MSMO1: variants seen among roughly 807,000 people sequenced by gnomAD.
MSMO1 encodes methylsterol monooxygenase 1, also known as C-4 methylsterol oxidase.
MSMO1 carries 18 observed loss-of-function variants against 30.4 expected under a neutral mutation model. That is an observed-to-expected ratio of 0.59 (90% CI 0.41 to 0.88). The LOEUF (loss-of-function observed/expected upper bound fraction) is 0.88. Among genes scored for constraint, MSMO1 ranks in the 40% least tolerant of loss-of-function variants. MSMO1 has a pLI of 0.00. For synonymous variants in MSMO1, 84 were observed against 107.9 expected (o/e 0.78, Z 1.37); for missense variants, 284 against 340.5 (o/e 0.83, Z 1.31).
chr4:165,328,989 C>T (rs932148639), intron 1 of MSMO1, among the ~76,000 whole-genome samples: 1 of 152,142 alleles, frequency 6.6e-6, no homozygotes, highest in Admixed American at 6.5e-5. Flanking sequence ...TGCCTCTGAA[C>T]TCTCTGACTG....
In MSMO1 at chr4:165,340,259, G is replaced by A. The variant is rs761784749; in HGVS notation, c.570G>A (p.Leu190=). 4.3e-6 allele frequency: 7 copies of A among 1,613,894 alleles called. No homozygotes were observed. The highest frequency in any genetic ancestry group is 5.1e-6 in the Non-Finnish European group (6 of 1,179,944). Residue 190 remains leucine, a synonymous_variant, in exon 5 of 6, where the codon TTG becomes TTA. Coordinates refer to ENST00000261507, the MANE Select transcript of MSMO1 (RefSeq NM_006745.5). The part of the protein sequence containing the change: ...FGMEAEYAHP[L]ETLILGTGFF... ...TGGAAGCTGAATATGCACATCCTTT[G>A]GAGACTCTAATTCTTGGAACTGGAT...
Position 165,338,117 on chromosome 4 carries a change from A to C in MSMO1, c.404+180A>C, listed in dbSNP as rs77557165. 1.1e-3 allele frequency among the ~76,000 whole-genome samples: 164 copies of C among 152,228 alleles called. 1 individual carries two copies. The highest frequency in any genetic ancestry group is 2.0e-3 in the Non-Finnish European group (137 of 67,994). On this transcript the variant is annotated intron_variant, in intron 3 of 5. Coordinates refer to ENST00000261507, the MANE Select transcript of MSMO1 (RefSeq NM_006745.5). Reference sequence around the variant, plus strand: ...AATGTTTCCATTTTTACATCTTTTAAATATTTTATTGGAAGGTGAGCTTCT... The same window carrying C: ...AATGTTTCCATTTTTACATCTTTTACATATTTTATTGGAAGGTGAGCTTCT...
intron 2 of MSMO1, among the ~76,000 whole-genome samples, chr4:165,336,616 C>T (rs1417480566): frequency 1.3e-5 from 2 of 152,150 alleles, no homozygotes; most frequent in Non-Finnish European, 2.9e-5. Context: ...TTTATTTTGT[C>T]CCCAATTACA....
At chr4:165,331,967 C>T (rs528005760) in intron 1 of MSMO1, among the ~76,000 whole-genome samples, 13 of 151,988 alleles carry the variant, frequency 8.6e-5, no homozygotes, top group Admixed American at 4.6e-4. Context: ...CCTACCCCGT[C>T]GCCACTCTGT....
intron 2 of MSMO1, among the ~76,000 whole-genome samples, chr4:165,334,598 T>C (rs946967181): frequency 1.3e-5 from 2 of 152,244 alleles, no homozygotes; most frequent in African/African-American, 4.8e-5. Context: ...ATTTGCTTCA[T>C]TGCACTAAAT....
In MSMO1 at chr4:165,342,732, A is replaced by G. The variant is rs1000117378; in HGVS notation, c.*786A>G. 6.6e-6 allele frequency: 1 copy of G among 152,224 alleles called. No homozygotes were observed. The highest frequency in any genetic ancestry group is 2.4e-5 in the African/African-American group (1 of 41,436). The allele number at this position is 152,224 out of a possible 1,614,324, so 9.4% of individuals were successfully genotyped here. On this transcript the variant is annotated 3_prime_UTR_variant, in exon 6 of 6. Coordinates refer to ENST00000261507, the MANE Select transcript of MSMO1 (RefSeq NM_006745.5). The stretch of plus-strand genomic sequence containing the variant: ...GGATTGAACCTCATCAATTGATAGC[A>G]GTGAGTGACTGAAGCTTCCAAATCA...
At chr4:165,341,638 G>A (rs977637819) in intron 5 of MSMO1, 113 bp from the exon 6 acceptor site, 2 of 927,702 alleles carry the variant, frequency 2.2e-6, no homozygotes, top group African/African-American at 3.3e-5. Flanking sequence ...AAGTGGTCTA[G>A]GCAAAGTGGC....
At chr4:165,328,819 G>C (rs765866638) in intron 1 of MSMO1, among the ~76,000 whole-genome samples, 3 of 152,206 alleles carry the variant, frequency 2.0e-5, no homozygotes, top group Non-Finnish European at 4.4e-5. Flanking sequence ...ACTAAACCAA[G>C]TGTTTCTAAA....
At position 165,337,872 on chromosome 4, in the gene MSMO1, T is replaced by A. The variant is rs1360618116; in HGVS notation, c.339T>A (p.Ile113=). ...FNHFCIQLPL[I]CGTYYFTEYF... ...ACTTCTGTATCCAGCTGCCTTTGAT[T>A]TGTGGAACCTATTATTTTACAGAGT... is the stretch of plus-strand genomic sequence containing the variant. Residue 113 remains isoleucine, a synonymous_variant, in exon 3 of 6, where the codon ATT becomes ATA. Coordinates refer to ENST00000261507, the MANE Select transcript of MSMO1 (RefSeq NM_006745.5). The A allele has an allele frequency of 3.1e-6, 5 of 1,613,194 alleles. No homozygotes were observed. Among genetic ancestry groups the A allele is most frequent in the Non-Finnish European group, 4.2e-6 (5 of 1,179,302 alleles).
rs747723060 is a variant in MSMO1, at chr4:165,333,399, T to C, written c.29T>C (p.Phe10Ser). Residue 10 changes from phenylalanine to serine, a missense_variant, in exon 2 of 6, where the codon TTT becomes TCT. Physicochemically the swap from Phe to Ser is radical, Grantham distance 155. Transcript: ENST00000261507. ...GCAACAAATGAAAGTGTCAGCATCT[T>C]TAGTTCAGCATCCTTGGCTGTGGAA... is the stretch of plus-strand genomic sequence containing the variant. MATNESVSIFSSASLAVEYV... is the reference protein window; with the variant it reads MATNESVSISSSASLAVEYV... The C allele has an allele frequency of 3.1e-6, 5 of 1,611,960 alleles. No individual in the cohort carries two copies. Among genetic ancestry groups the C allele is most frequent in the Non-Finnish European group, 4.2e-6 (5 of 1,179,796 alleles).
At chr4:165,332,548 C>G (rs1747427189) in intron 1 of MSMO1, among the ~76,000 whole-genome samples, 1 of 152,146 alleles carries the variant, frequency 6.6e-6, no homozygotes, top group South Asian at 2.1e-4. Flanking sequence ...TTAGGTGTTG[C>G]TAATTTTTCC....
rs1747450438 is a variant in MSMO1, at chr4:165,333,323, T to C, written c.-31-17T>C. On this transcript the variant is annotated splice_polypyrimidine_tract_variant and intron_variant, in intron 1 of 5. Transcript: ENST00000261507. ...AGCTCATTGTTTAACTTATTATATA[T>C]GTATTCATTTCTACAGAATTATAAG... 6.3e-7 allele frequency: 1 copy of C among 1,588,744 alleles called. No individual in the cohort carries two copies.
intron 4 of MSMO1, 75 bp from the exon 5 acceptor site, chr4:165,340,146 C>T: frequency 7.5e-7 from 1 of 1,337,278 alleles, no homozygotes. Context: ...GATATCATAG[C>T]CTAGCCAAGT....
Position 165,338,704 on chromosome 4 carries a change from C to T in MSMO1, c.457C>T (p.His153Tyr). Reference sequence around the variant, plus strand: ...TTGTGCAGTCATTGAAGATACTTGGCACTATTTTCTGCATAGACTCTTACA... The same window carrying T: ...TTGTGCAGTCATTGAAGATACTTGGTACTATTTTCTGCATAGACTCTTACA... ...FGCAVIEDTWHYFLHRLLHHK... is the reference protein window; with the variant it reads ...FGCAVIEDTWYYFLHRLLHHK... Residue 153 changes from histidine to tyrosine, a missense_variant, in exon 4 of 6, where the codon CAC becomes TAC. Physicochemically the swap from His to Tyr is moderately conservative, Grantham distance 83. Coordinates refer to ENST00000261507, the MANE Select transcript of MSMO1 (RefSeq NM_006745.5). The T allele has an allele frequency of 6.2e-7, 1 of 1,605,374 alleles. No homozygotes were observed. Among genetic ancestry groups the T allele is most frequent in the Middle Eastern group, 1.7e-4 (1 of 6,036 alleles).
At chr4:165,338,851 A>G (rs770946554) in intron 4 of MSMO1, 73 bp downstream of exon 4, 21 of 1,299,362 alleles carry the variant, frequency 1.6e-5, no homozygotes, top group Non-Finnish European at 2.2e-5. Flanking sequence ...GCATTTTTCT[A>G]AAATTGTTGG....
At chr4:165,331,697 C>T (rs1272650233) in intron 1 of MSMO1, among the ~76,000 whole-genome samples, 1 of 152,170 alleles carries the variant, frequency 6.6e-6, no homozygotes, top group Non-Finnish European at 1.5e-5. Context: ...TAGAATGCTT[C>T]TGAGGCTTTA....
intron 1 of MSMO1, among the ~76,000 whole-genome samples, chr4:165,331,303 CAAAAAAAAAGAA>C (rs1352031455): frequency 1.7e-5 from 2 of 116,840 alleles, no homozygotes; most frequent in Non-Finnish European, 3.6e-5. Flanking sequence ...GACCCTGTCT[CAAAAAAAAAGAA>C]AAAAAAAAAG....
At chr4:165,332,838 C>T (rs1223141426) in intron 1 of MSMO1, among the ~76,000 whole-genome samples, 1 of 152,094 alleles carries the variant, frequency 6.6e-6, no homozygotes, top group Non-Finnish European at 1.5e-5. Flanking sequence ...CTTTGTAGCC[C>T]TTTGTTGTAA....
At position 165,343,134 on chromosome 4, in the gene MSMO1, A is replaced by G. The variant is rs1179531788; in HGVS notation, c.*1188A>G. 6.6e-6 allele frequency: 1 copy of G among 151,796 alleles called. No homozygotes were observed. The highest frequency in any genetic ancestry group is 1.5e-5 in the Non-Finnish European group (1 of 67,916). The allele number at this position is 151,796 out of a possible 1,614,324, so 9.4% of individuals were successfully genotyped here. ...TTATTCTTAAACTTGAAAGTACAGA[A>G]ATCATTAAATTATTAAGTTGTACAA... is the stretch of plus-strand genomic sequence containing the variant. On this transcript the variant is annotated 3_prime_UTR_variant, in exon 6 of 6. Coordinates refer to ENST00000261507, the MANE Select transcript of MSMO1 (RefSeq NM_006745.5).
Sources: allele counts gnomAD v4.1 joint callset (sites outside exome capture counted in the v4.1 genomes callset), GRCh38; gene constraint gnomAD v4.1.1; transcripts MANE v1.5; gene names NCBI Gene and HGNC (gene_info 2026-07-23, HGNC 2026-07-21).